Variants in ARMH4 observed in about 807,000 individuals in gnomAD.
ARMH4 encodes the protein armadillo like helical domain containing 4, also known as armadillo-like helical domain-containing protein 4.
In ARMH4, 49 loss-of-function variants were observed where a neutral mutation model predicts 61.9. The observed-to-expected ratio is 0.79, with a 90% confidence interval of 0.63 to 1.00. The LOEUF (loss-of-function observed/expected upper bound fraction) is 1.00, where lower values mean the gene tolerates loss of function less well. ARMH4 is among the 50% of genes least tolerant of loss of function. The pLI, the probability that ARMH4 is intolerant of heterozygous loss-of-function variation, is 0.00. For synonymous variants in ARMH4, 368 were observed against 341.5 expected (o/e 1.08, Z -0.85); for missense variants, 934 against 930.0 (o/e 1.00, Z -0.06).
rs145571350 is a variant in ARMH4 at position 58,039,038 on chromosome 14, G to A, written c.2090-26888C>T. On this transcript the variant is annotated intron_variant, in intron 5 of 7. Transcript: ENST00000267485. The stretch of plus-strand genomic sequence containing the variant: ...ACTACCACATTTGTGCAGTGTCCAC[G>A]CTTCCCCTGGACTGCTCCCAGGCAA... 2.4e-3 allele frequency among the ~76,000 whole-genome samples: 366 copies of A among 152,264 alleles called. 2 individuals are homozygous for A. The highest frequency in any genetic ancestry group is 8.0e-3 in the African/African-American group (333 of 41,560).
chr14:58,025,507 G>C (rs1650036123), intron 5 of ARMH4, among the ~76,000 whole-genome samples: 1 of 152,164 alleles, frequency 6.6e-6, no homozygotes, highest in African/African-American at 2.4e-5. Context: ...TTAGAGCATA[G>C]TCCTTTGTTC....
intron 4 of ARMH4, among the ~76,000 whole-genome samples, chr14:58,103,136 A>G (rs75371434): frequency 2.3e-5 from 1 of 43,056 alleles, no homozygotes; most frequent in Non-Finnish European, 7.9e-5. Context: ...TCCATCTCGA[A>G]AAAAAAAAAA....
chr14:58,032,957 C>T (rs948702050), intron 5 of ARMH4, among the ~76,000 whole-genome samples: 61 of 148,548 alleles, frequency 4.1e-4, no homozygotes, highest in Admixed American at 1.1e-3. Context: ...AACTGCAAGG[C>T]GGCAACGAGG....
chr14:58,143,681 C>T (rs1887638656), intron 1 of ARMH4, among the ~76,000 whole-genome samples: 1 of 151,610 alleles, frequency 6.6e-6, no homozygotes, highest in Non-Finnish European at 1.5e-5. Flanking sequence ...CCAGGTTGGT[C>T]TCGAACTTCT....
chr14:58,138,046 A>G lies in ARMH4; in HGVS notation c.1313T>C (p.Val438Ala). ...NDALFFLETTVSVSVYESEAD... is the reference protein window; with the variant it reads ...NDALFFLETTASVSVYESEAD... ...CTCAGACTCATATACAGAGACAGAAACAGTGGTTTCTAAGAAAAACAGGGC... is the reference window on the plus strand; with the variant it reads ...CTCAGACTCATATACAGAGACAGAAGCAGTGGTTTCTAAGAAAAACAGGGC... The change falls in exon 2 of 8, where the codon GTT becomes GCT. Residue 438 changes from valine to alanine, a missense_variant. Coordinates refer to ENST00000267485, the MANE Select transcript of ARMH4 (RefSeq NM_001001872.4). 1 of 1,614,232 alleles carries G rather than the reference A, an allele frequency of 6.2e-7. No individual in the cohort carries two copies. Among genetic ancestry groups the G allele is most frequent in the South Asian group, 1.1e-5 (1 of 91,084 alleles).
chr14:58,115,545 C>G (rs1449036027), intron 4 of ARMH4, among the ~76,000 whole-genome samples: 1 of 152,098 alleles, frequency 6.6e-6, no homozygotes, highest in African/African-American at 2.4e-5. Flanking sequence ...ACAGAACTAC[C>G]ATTTGATTCA....
At chr14:58,103,879 T>C (rs1594758958) in intron 4 of ARMH4, among the ~76,000 whole-genome samples, 1 of 152,348 alleles carries the variant, frequency 6.6e-6, no homozygotes, top group South Asian at 2.1e-4. Context: ...ATCACTGTTC[T>C]CTGACCACTA....
chr14:58,093,081 G>T (rs1470192631), intron 5 of ARMH4, among the ~76,000 whole-genome samples: 1 of 151,956 alleles, frequency 6.6e-6, no homozygotes, highest in Non-Finnish European at 1.5e-5. Flanking sequence ...TGATTTTATA[G>T]GGGGCTTTTA....
chr14:58,002,285 C>T lies in ARMH4; in HGVS notation c.*2451G>A, dbSNP rs1882010543. On this transcript the variant is annotated 3_prime_UTR_variant, in exon 8 of 8. Coordinates refer to ENST00000267485, the MANE Select transcript of ARMH4 (RefSeq NM_001001872.4). ...AGGAAAATGGCCAAAATAAACATGT[C>T]ATTTGTACCATCCACCGACCTTCCA... is the stretch of plus-strand genomic sequence containing the variant. 6.6e-6 allele frequency: 1 copy of T among 152,120 alleles called. No homozygotes were observed. Among genetic ancestry groups the T allele is most frequent in the African/African-American group, 2.4e-5 (1 of 41,428 alleles). The allele number at this position is 152,120 out of a possible 1,614,324, so 9.4% of individuals were successfully genotyped here.
intron 3 of ARMH4, 130 bp downstream of exon 3, chr14:58,132,959 GT>G: frequency 1.2e-6 from 1 of 867,624 alleles, no homozygotes. Context: ...AGGTAAAGGT[GT>G]GTGTGTGTGT....
intron 5 of ARMH4, among the ~76,000 whole-genome samples, chr14:58,081,098 T>C (rs1339280555): frequency 7.2e-6 from 1 of 138,210 alleles, no homozygotes; most frequent in African/African-American, 2.7e-5. Flanking sequence ...CAAGACTCTG[T>C]CTATAAATAA....
Position 58,044,553 on chromosome 14 carries a change from G to A in ARMH4, c.2090-32403C>T, listed in dbSNP as rs1332394346. On this transcript the variant is annotated intron_variant, in intron 5 of 7. Coordinates refer to ENST00000267485, the MANE Select transcript of ARMH4 (RefSeq NM_001001872.4). Reference sequence around the variant, plus strand: ...GCAATACCATTCAGGACATGGGCATGGGCAATGACTTCATGTCTAAAACAC... The same window carrying A: ...GCAATACCATTCAGGACATGGGCATAGGCAATGACTTCATGTCTAAAACAC... Among the ~76,000 whole-genome samples the A allele has an allele frequency of 4.6e-5, 7 of 152,284 alleles. No individual in the cohort carries two copies. The Middle Eastern group carries it at 0.017, about 370-fold the overall frequency.
chr14:58,070,477 T>C (rs1001108604), intron 5 of ARMH4, among the ~76,000 whole-genome samples: 1 of 152,178 alleles, frequency 6.6e-6, no homozygotes, highest in East Asian at 1.9e-4. Context: ...AATAAGAAGT[T>C]TCCCCATGGC....
At chr14:58,034,216 C>A (rs1312496714) in intron 5 of ARMH4, among the ~76,000 whole-genome samples, 1 of 135,386 alleles carries the variant, frequency 7.4e-6, no homozygotes, top group Non-Finnish European at 1.6e-5. Context: ...CGGCAGAAAC[C>A]CTACAAGCCA....
chr14:58,092,980 C>T (rs1241290214), intron 5 of ARMH4, among the ~76,000 whole-genome samples: 2 of 152,074 alleles, frequency 1.3e-5, no homozygotes, highest in Admixed American at 6.6e-5. Context: ...CCCATGTGTG[C>T]TGGGACGGAC....
At chr14:58,044,431 G>C (rs565530569) in intron 5 of ARMH4, among the ~76,000 whole-genome samples, 1 of 152,284 alleles carries the variant, frequency 6.6e-6, no homozygotes, top group African/African-American at 2.4e-5. Context: ...GCTGAAACTG[G>C]ATCCATTCCT....
chr14:58,110,284 G>A (rs918119075), intron 4 of ARMH4, among the ~76,000 whole-genome samples: 6 of 151,640 alleles, frequency 4.0e-5, no homozygotes, highest in African/African-American at 9.8e-5. Context: ...ATTGTGGAGT[G>A]ACTAAATCTA....
intron 5 of ARMH4, among the ~76,000 whole-genome samples, chr14:58,047,955 T>C (rs11628732): frequency 0.14 from 21,738 of 152,048 alleles, 2,133 homozygotes; most frequent in East Asian, 0.51. Context: ...ACCAGGCAAG[T>C]GAGCAAGTCT....
intron 6 of ARMH4, 120 bp from the exon 7 acceptor site, chr14:58,005,302 G>A (rs1385122673): frequency 2.3e-6 from 3 of 1,307,242 alleles, no homozygotes; most frequent in African/African-American, 3.0e-5. Context: ...CTGCTTTGTT[G>A]TAAGATAAAA....
Sources: allele counts gnomAD v4.1 joint callset (sites outside exome capture counted in the v4.1 genomes callset), GRCh38; gene constraint gnomAD v4.1.1; transcripts MANE v1.5; gene names NCBI Gene and HGNC (gene_info 2026-07-23, HGNC 2026-07-21).